The following GABRA5 variants were observed in gnomAD, a reference collection of about 807,000 sequenced individuals.
The protein encoded by GABRA5 is gamma-aminobutyric acid type A receptor subunit alpha5, also known as gamma-aminobutyric acid receptor subunit alpha-5.
In GABRA5, 18 loss-of-function variants were observed where a neutral mutation model predicts 47.3. That is an observed-to-expected ratio of 0.38 (90% CI 0.26 to 0.56). The LOEUF is 0.56. GABRA5 is among the 20% of genes least tolerant of loss of function. The pLI is 0.71. For synonymous variants in GABRA5, 237 were observed against 229.3 expected (o/e 1.03, Z -0.30); for missense variants, 365 against 599.3 (o/e 0.61, Z 4.08).
intron 6 of GABRA5, among the ~76,000 whole-genome samples, chr15:26,896,597 C>T (rs1447736509): frequency 6.6e-6 from 1 of 152,160 alleles, no homozygotes; most frequent in Non-Finnish European, 1.5e-5. Flanking sequence ...GCAATTACTA[C>T]TTTGTAATAA....
intron 6 of GABRA5, among the ~76,000 whole-genome samples, chr15:26,900,897 T>C (rs1194678106): frequency 1.6e-4 from 24 of 152,116 alleles, no homozygotes; most frequent in Admixed American, 1.6e-3. Flanking sequence ...ACTACTGACC[T>C]TTTTACTTCT....
chr15:26,906,426 GA>G (rs1313822460), intron 6 of GABRA5, among the ~76,000 whole-genome samples: 1 of 152,166 alleles, frequency 6.6e-6, no homozygotes, highest in Non-Finnish European at 1.5e-5. Context: ...TTCTTGTGTG[GA>G]GTTTGAAGGT....
chr15:26,935,973 A>G (rs1414530405), intron 7 of GABRA5, among the ~76,000 whole-genome samples: 1 of 152,134 alleles, frequency 6.6e-6, no homozygotes, highest in Non-Finnish European at 1.5e-5. Flanking sequence ...CTTGGATTAT[A>G]ATAATCCCTA....
intron 6 of GABRA5, among the ~76,000 whole-genome samples, chr15:26,890,061 C>T (rs1263633293): frequency 6.6e-6 from 1 of 152,176 alleles, no homozygotes; most frequent in Non-Finnish European, 1.5e-5. Flanking sequence ...TAGCACATCC[C>T]ATCATGTGGT....
At chr15:26,877,327 C>G (rs1279771732) in intron 3 of GABRA5, among the ~76,000 whole-genome samples, 3 of 152,072 alleles carry the variant, frequency 2.0e-5, no homozygotes, top group Non-Finnish European at 2.9e-5. Flanking sequence ...CTTAAGTGAT[C>G]GGTAATGGGC....
chr15:26,907,601 A>G (rs890050125), intron 6 of GABRA5, among the ~76,000 whole-genome samples: 15 of 152,294 alleles, frequency 9.8e-5, no homozygotes, highest in African/African-American at 3.4e-4. Context: ...TCTTGTCTGG[A>G]TCAAACACAA....
chr15:26,945,594 C>T (rs539973065), intron 10 of GABRA5, among the ~76,000 whole-genome samples: 13 of 152,294 alleles, frequency 8.5e-5, no homozygotes, highest in Admixed American at 6.5e-4. Flanking sequence ...GCTTTAGACT[C>T]CTGCCTCGCT....
chr15:26,931,319 G>A (rs1267598252), intron 7 of GABRA5, among the ~76,000 whole-genome samples: 2 of 152,180 alleles, frequency 1.3e-5, no homozygotes, highest in African/African-American at 4.8e-5. Context: ...AGACCAAGGT[G>A]CTGGCAGATT....
chr15:26,889,652 A>C (rs1418330964), intron 6 of GABRA5, among the ~76,000 whole-genome samples: 1 of 152,224 alleles, frequency 6.6e-6, no homozygotes, highest in Non-Finnish European at 1.5e-5. Flanking sequence ...ATACATTGTC[A>C]AGTTCAAAGT....
intron 7 of GABRA5, among the ~76,000 whole-genome samples, chr15:26,919,388 CTTCTT>C (rs1474639267): frequency 2.6e-5 from 4 of 152,040 alleles, no homozygotes; most frequent in Admixed American, 6.6e-5. Flanking sequence ...ATTCCTTTCT[CTTCTT>C]TTCTGTAACT....
At chr15:26,937,455 C>A in intron 8 of GABRA5, 127 bp downstream of exon 8, 1 of 982,774 alleles carries the variant, frequency 1.0e-6, no homozygotes, top group Non-Finnish European at 1.5e-6. Context: ...CCCACACAAC[C>A]TGTCCTGGCC....
chr15:26,871,787 G>A (rs1252331754), intron 3 of GABRA5, among the ~76,000 whole-genome samples: 2 of 152,134 alleles, frequency 1.3e-5, no homozygotes, highest in Non-Finnish European at 1.5e-5. Flanking sequence ...GGGCAAGAGC[G>A]CCTTGTGTTA....
At chr15:26,897,841 G>A (rs1284892839) in intron 6 of GABRA5, among the ~76,000 whole-genome samples, 1 of 152,014 alleles carries the variant, frequency 6.6e-6, no homozygotes, top group African/African-American at 2.4e-5. Flanking sequence ...TGTGTCTCGG[G>A]GATGCAACTG....
At chr15:26,880,504 C>T (rs1892701817) in intron 3 of GABRA5, 1 of 169,672 alleles carries the variant, frequency 5.9e-6, no homozygotes, top group African/African-American at 2.4e-5. Context: ...TCTGAAATCC[C>T]CTGTGAGTGG....
chr15:26,904,009 C>G (rs1189007336), intron 6 of GABRA5, among the ~76,000 whole-genome samples: 2 of 152,026 alleles, frequency 1.3e-5, no homozygotes, highest in African/African-American at 4.8e-5. Flanking sequence ...GTTGCAGTTG[C>G]TTTTGCTATC....
At chr15:26,902,244 A>G (rs1366191606) in intron 6 of GABRA5, among the ~76,000 whole-genome samples, 1 of 152,116 alleles carries the variant, frequency 6.6e-6, no homozygotes, top group African/African-American at 2.4e-5. Flanking sequence ...AGGAACTGAA[A>G]TCTTGACAAT....
At chr15:26,893,490 G>T (rs1445267445) in intron 6 of GABRA5, among the ~76,000 whole-genome samples, 1 of 7,524 alleles carries the variant, frequency 1.3e-4, no homozygotes, top group South Asian at 3.5e-3. Context: ...GCAGGGCACG[G>T]CCTGGGCCTG....
chr15:26,887,514 T>C (rs2140261956), intron 6 of GABRA5, among the ~76,000 whole-genome samples: 1 of 152,188 alleles, frequency 6.6e-6, no homozygotes, highest in Non-Finnish European at 1.5e-5. Flanking sequence ...GTTTTTAAAG[T>C]AGAGACGGGG....
At chr15:26,942,469 G>A (rs141619850) in intron 9 of GABRA5, among the ~76,000 whole-genome samples, 9 of 152,288 alleles carry the variant, frequency 5.9e-5, no homozygotes, top group African/African-American at 9.6e-5. Context: ...GTCTGCAGTC[G>A]GGTGAAAGTC....
Sources: allele counts gnomAD v4.1 joint callset (sites outside exome capture counted in the v4.1 genomes callset), GRCh38; gene constraint gnomAD v4.1.1; transcripts MANE v1.5; gene names NCBI Gene and HGNC (gene_info 2026-07-23, HGNC 2026-07-21).